The following FAM162B variants were observed in gnomAD, a reference collection of about 807,000 sequenced individuals.
The protein encoded by FAM162B is family with sequence similarity 162 member B.
FAM162B carries 16 observed loss-of-function variants against 20.0 expected under a neutral mutation model. The ratio of observed to expected loss-of-function variants is 0.80; its 90% confidence interval spans 0.54 to 1.21. The LOEUF (loss-of-function observed/expected upper bound fraction) is 1.21. Ranked by LOEUF, FAM162B falls within the 50% of genes most tolerant of loss-of-function variation. The pLI, the probability that FAM162B is intolerant of heterozygous loss-of-function variation, is 0.00. For synonymous variants in FAM162B, 83 were observed against 89.7 expected (o/e 0.93, Z 0.42); for missense variants, 260 against 227.5 (o/e 1.14, Z -0.92).
chr6:116,755,908 GAA>G (rs982208468), intron 3 of FAM162B, among the ~76,000 whole-genome samples: 1 of 150,634 alleles, frequency 6.6e-6, no homozygotes, highest in Non-Finnish European at 1.5e-5. Flanking sequence ...TTACTTCTCA[GAA>G]AAAAAAAGAT....
Position 116,765,236 on chromosome 6 carries a change from G to C in FAM162B, c.192C>G (p.Pro64=), listed in dbSNP as rs368083287. 3 of 1,613,742 alleles carry C rather than the reference G, an allele frequency of 1.9e-6. No individual in the cohort carries two copies. Among genetic ancestry groups the C allele is most frequent in the Non-Finnish European group, 2.5e-6 (3 of 1,179,910 alleles). ...PQGHGEIHRV[P]TQRRPSQFDK... is the part of the protein sequence containing the mutation. ...CGAACTGCGAAGGCCTGCGCTGCGT[G>C]GGGACTCGGTGAATCTCCCCTGCAG... The change falls in exon 2 of 4, where the codon CCC becomes CCG. Residue 64 remains proline, a synonymous_variant. Coordinates refer to ENST00000368557, the MANE Select transcript of FAM162B (RefSeq NM_001085480.3).
intron 2 of FAM162B, 105 bp from the exon 3 acceptor site, chr6:116,762,190 G>T: frequency 2.3e-6 from 2 of 858,052 alleles, no homozygotes; most frequent in Non-Finnish European, 3.5e-6. Context: ...TTCCCTGAAT[G>T]CAAACTGCAT....
At position 116,765,166 on chromosome 6, in the gene FAM162B, C is replaced by T. The variant is rs771166739; in HGVS notation, c.262G>A (p.Glu88Lys). 1.2e-6 allele frequency: 2 copies of T among 1,613,722 alleles called. No individual in the cohort carries two copies. Among genetic ancestry groups the T allele is most frequent in the East Asian group, 2.2e-5 (1 of 44,850 alleles). The change falls in exon 2 of 4, where the codon GAG (glutamate) becomes AAG (lysine). Residue 88 changes from glutamate to lysine, a missense_variant. Physicochemically the swap from Glu to Lys is moderately conservative, Grantham distance 56. Coordinates refer to ENST00000368557, the MANE Select transcript of FAM162B (RefSeq NM_001085480.3). ...LWTGRFKSME[E>K]IPPRIPPEMI... ...ACTTACGGGATCCGAGGCGGGATCT[C>T]CTCCATCGATTTGAAACGCCCTGTC...
At chr6:116,761,733 T>TACAC (rs572093016) in intron 3 of FAM162B, among the ~76,000 whole-genome samples, 36 of 139,426 alleles carry the variant, frequency 2.6e-4, no homozygotes, top group African/African-American at 8.7e-4. Flanking sequence ...TACTTATATA[T>TACAC]ACACACACAC....
intron 3 of FAM162B, among the ~76,000 whole-genome samples, chr6:116,756,965 T>C (rs369722532): frequency 6.6e-6 from 1 of 152,248 alleles, no homozygotes; most frequent in East Asian, 1.9e-4. Context: ...ATAAGAATGG[T>C]TTCTTTTTTG....
intron 3 of FAM162B, among the ~76,000 whole-genome samples, chr6:116,759,935 C>G (rs1394649054): frequency 1.3e-5 from 2 of 152,294 alleles, no homozygotes; most frequent in East Asian, 3.9e-4. Context: ...GAGGACGTCC[C>G]TGACCACTCC....
chr6:116,759,299 C>CT (rs376112360), intron 3 of FAM162B, among the ~76,000 whole-genome samples: 4,699 of 125,546 alleles, frequency 0.037, 107 homozygotes, highest in Middle Eastern at 0.12. Flanking sequence ...ATCTTTCTTT[C>CT]TTTTTTTTTT....
intron 3 of FAM162B, among the ~76,000 whole-genome samples, chr6:116,754,847 C>T (rs917971807): frequency 1.3e-5 from 2 of 152,098 alleles, no homozygotes; most frequent in African/African-American, 4.8e-5. Flanking sequence ...ATTTTCATAA[C>T]ATCTGTTATG....
chr6:116,759,474 T>TG lies in FAM162B; in HGVS notation c.390+2502dup, dbSNP rs1327583913. On this transcript the variant is annotated intron_variant, in intron 3 of 3. Transcript: ENST00000368557. ...CGCCACCACGCCTGGCTAATTTTTTTGTATTTTTTTTTTTAGTAGTGACGG... is the reference window on the plus strand; with the variant it reads ...CGCCACCACGCCTGGCTAATTTTTTTGGTATTTTTTTTTTTAGTAGTGACGG... 2.3e-4 allele frequency among the ~76,000 whole-genome samples: 35 copies of TG among 151,702 alleles called. No individual in the cohort carries two copies. In the South Asian group the frequency reaches 3.3e-3, roughly 14 times the overall value.
chr6:116,759,749 A>G (rs1310856273), intron 3 of FAM162B, among the ~76,000 whole-genome samples: 2 of 152,268 alleles, frequency 1.3e-5, no homozygotes, highest in East Asian at 3.9e-4. Context: ...TAGGCCTGAC[A>G]CTATCTGGAC....
At chr6:116,759,400 C>T (rs546174279) in intron 3 of FAM162B, among the ~76,000 whole-genome samples, 58 of 128,890 alleles carry the variant, frequency 4.5e-4, no homozygotes, top group Non-Finnish European at 8.7e-4. Context: ...CTCCTGGGTT[C>T]ACGCCATTCT....
Position 116,761,959 on chromosome 6 carries a change from T to C in FAM162B, c.390+18A>G. ...ACTTACCCTTTTAACTGACTTGCCC[T>C]TTTAAGGAGATACTCACCCTTTTGG... is the stretch of plus-strand genomic sequence containing the variant. On this transcript the variant is annotated intron_variant, in intron 3 of 3. Coordinates refer to ENST00000368557, the MANE Select transcript of FAM162B (RefSeq NM_001085480.3). 2.6e-6 allele frequency: 4 copies of C among 1,565,096 alleles called. No homozygotes were observed. The highest frequency in any genetic ancestry group is 3.5e-6 in the Non-Finnish European group (4 of 1,143,860).
intron 3 of FAM162B, among the ~76,000 whole-genome samples, chr6:116,755,307 A>T (rs1458157347): frequency 6.6e-6 from 1 of 151,416 alleles, no homozygotes; most frequent in Non-Finnish European, 1.5e-5. Context: ...AAAACGTTTT[A>T]GTGGTCTGGA....
intron 3 of FAM162B, among the ~76,000 whole-genome samples, chr6:116,755,567 T>G (rs949075310): frequency 6.6e-6 from 1 of 152,180 alleles, no homozygotes; most frequent in Non-Finnish European, 1.5e-5. Context: ...ATAGCTAATT[T>G]TGTTGATGAA....
At chr6:116,764,204 G>A (rs539911316) in intron 2 of FAM162B, among the ~76,000 whole-genome samples, 3 of 152,136 alleles carry the variant, frequency 2.0e-5, no homozygotes, top group East Asian at 1.9e-4. Flanking sequence ...AGAAATATAG[G>A]CCCAGTTTCC....
Position 116,752,666 on chromosome 6 carries a change from A to C in FAM162B, c.420T>G (p.Ser140Arg). The C allele has an allele frequency of 6.3e-7, 1 of 1,584,802 alleles. No individual in the cohort carries two copies. Among genetic ancestry groups the C allele is most frequent in the Non-Finnish European group, 8.6e-7 (1 of 1,164,146 alleles). ...RAVERHESLT[S>R]WNLAKKAKWR... ...ACTTAGCTTTCTTTGCCAAGTTCCAACTTGTTAAGGATTCATGTCGTTCTA... is the reference window on the plus strand; with the variant it reads ...ACTTAGCTTTCTTTGCCAAGTTCCACCTTGTTAAGGATTCATGTCGTTCTA... The change falls in exon 4 of 4, where the codon AGT (serine) becomes AGG (arginine). Residue 140 changes from serine to arginine, a missense_variant. Coordinates refer to ENST00000368557, the MANE Select transcript of FAM162B (RefSeq NM_001085480.3).
At position 116,752,726 on chromosome 6, in the gene FAM162B, A is replaced by ACAC. The variant is rs1348143867; in HGVS notation, c.391-32_391-31insGTG. 2.8e-5 allele frequency: 18 copies of ACAC among 632,194 alleles called. 1 individual carries two copies. In the South Asian group the frequency reaches 3.9e-4, roughly 14 times the overall value. 39.2% of individuals were successfully genotyped at this position (632,194 alleles called of 1,614,324 possible). ...GGGGGGAAGAAATATATATATATAT[A>ACAC]TATATATAGATACACGTATATATAT... On this transcript the variant is annotated intron_variant, in intron 3 of 3. Coordinates refer to ENST00000368557, the MANE Select transcript of FAM162B (RefSeq NM_001085480.3).
chr6:116,761,641 T>C (rs1582436376), intron 3 of FAM162B, among the ~76,000 whole-genome samples: 2 of 108,496 alleles, frequency 1.8e-5, no homozygotes, highest in South Asian at 5.4e-4. Context: ...TATACATATA[T>C]ATACACTTAT....
intron 3 of FAM162B, 114 bp from the exon 4 acceptor site, chr6:116,752,809 G>A (rs1367852812): frequency 1.2e-5 from 3 of 248,290 alleles, no homozygotes; most frequent in African/African-American, 2.4e-5. Context: ...GGAAAAATTT[G>A]TATTTGAGAT....
Sources: allele counts gnomAD v4.1 joint callset (sites outside exome capture counted in the v4.1 genomes callset), GRCh38; gene constraint gnomAD v4.1.1; transcripts MANE v1.5; gene names NCBI Gene and HGNC (gene_info 2026-07-23, HGNC 2026-07-21).